BMPR2: variants seen among roughly 807,000 people sequenced by gnomAD.
BMPR2 encodes the protein bone morphogenetic protein receptor type-2.
BMPR2 carries 29 observed loss-of-function variants against 100.8 expected under a neutral mutation model. The observed-to-expected ratio is 0.29, with a 90% confidence interval of 0.21 to 0.39. The LOEUF is 0.39. Among genes scored for constraint, BMPR2 ranks in the 10% least tolerant of loss-of-function variants. BMPR2 has a pLI of 1.00. For synonymous variants in BMPR2, 382 were observed against 442.3 expected, an observed-to-expected ratio of 0.86 and a Z score of 1.71; for missense variants, 1,011 against 1,274.5, an observed-to-expected ratio of 0.79 and a Z score of 3.15.
intron 1 of BMPR2, among the ~76,000 whole-genome samples, chr2:202,452,951 A>G (rs1665319883): frequency 6.6e-6 from 1 of 152,206 alleles, no homozygotes; most frequent in South Asian, 2.1e-4. Flanking sequence ...CAGAAAGTAA[A>G]TAAATGAGGC....
rs1323311838 is a variant in BMPR2, at chr2:202,555,770, C to A, written c.2105C>A (p.Thr702Asn). ...AGTGGCCCAGACCCACTGAGCAGTA[C>A]TAGTTCTAGCTTGCTTTACCCACTC... is the stretch of plus-strand genomic sequence containing the variant. The part of the protein sequence containing the change: ...QFSGPDPLSS[T>N]SSSLLYPLIK... Residue 702 changes from threonine (T) to asparagine (N), a missense_variant, in exon 12 of 13, where the codon ACT becomes AAT. This residue lies in a region of BMPR2 where 508 missense variants were observed against 552.0 expected (regional missense o/e 0.92). Coordinates refer to ENST00000374580, the MANE Select transcript of BMPR2 (RefSeq NM_001204.7). The A allele has an allele frequency of 6.2e-7, 1 of 1,614,026 alleles. No individual in the cohort carries two copies. Among genetic ancestry groups the A allele is most frequent in the Non-Finnish European group, 8.5e-7 (1 of 1,180,056 alleles).
At chr2:202,557,464 A>AACACACACACACACAC (rs138065331) in intron 12 of BMPR2, among the ~76,000 whole-genome samples, 5 of 125,340 alleles carry the variant, frequency 4.0e-5, no homozygotes, top group African/African-American at 1.6e-4. Flanking sequence ...CTCTGTCTCA[A>AACACACACACACACAC]ACACACACAC....
intron 1 of BMPR2, among the ~76,000 whole-genome samples, chr2:202,382,786 C>A (rs79919139): frequency 0.098 from 14,980 of 152,152 alleles, 984 homozygotes; most frequent in South Asian, 0.25. Context: ...TGATTCCGGG[C>A]AAATAGGTTA....
chr2:202,538,814 A>G (rs1344498848), intron 9 of BMPR2, among the ~76,000 whole-genome samples: 1 of 151,584 alleles, frequency 6.6e-6, no homozygotes, highest in Non-Finnish European at 1.5e-5. Context: ...AAAAAAAAAA[A>G]AGTGAGGGTC....
At chr2:202,545,190 T>A (rs2106033996) in intron 10 of BMPR2, among the ~76,000 whole-genome samples, 1 of 5,992 alleles carries the variant, frequency 1.7e-4, no homozygotes, top group South Asian at 5.7e-3. Context: ...TCTCCCTCTA[T>A]GTTTTTCTTC....
intron 1 of BMPR2, among the ~76,000 whole-genome samples, chr2:202,382,938 A>G (rs1028900660): frequency 5.3e-5 from 8 of 152,242 alleles, no homozygotes; most frequent in African/African-American, 1.4e-4. Context: ...TGCCCTCATC[A>G]GCCAGTAAAT....
chr2:202,509,939 T>C (rs78486930), intron 3 of BMPR2, among the ~76,000 whole-genome samples: 1 of 152,226 alleles, frequency 6.6e-6, no homozygotes, highest in African/African-American at 2.4e-5. Flanking sequence ...CATATTAATA[T>C]TACATTTAAT....
chr2:202,412,267 A>G (rs1358030089), intron 1 of BMPR2, among the ~76,000 whole-genome samples: 1 of 152,212 alleles, frequency 6.6e-6, no homozygotes, highest in East Asian at 1.9e-4. Flanking sequence ...AAAACAAACA[A>G]AGAAACAAAA....
At chr2:202,473,227 G>A (rs1466053769) in intron 3 of BMPR2, among the ~76,000 whole-genome samples, 1 of 151,872 alleles carries the variant, frequency 6.6e-6, no homozygotes, top group Non-Finnish European at 1.5e-5. Flanking sequence ...GATCCCAGGA[G>A]TTTGAGACCA....
intron 3 of BMPR2, among the ~76,000 whole-genome samples, chr2:202,492,090 C>T (rs1692913091): frequency 6.6e-6 from 1 of 151,638 alleles, no homozygotes; most frequent in East Asian, 1.9e-4. Context: ...CAGAAATAGG[C>T]AAAAAAACTC....
At position 202,559,686 on chromosome 2, in the gene BMPR2, T is replaced by A; in HGVS notation, c.2867-10T>A. ...TTAAATAGCTCATTTTTCTGCACTTTTATTTTCAGTAGGTGAGTCAACACA... is the reference window on the plus strand; with the variant it reads ...TTAAATAGCTCATTTTTCTGCACTTATATTTTCAGTAGGTGAGTCAACACA... On this transcript the variant is annotated splice_polypyrimidine_tract_variant and intron_variant, in intron 12 of 12. Coordinates refer to ENST00000374580, the MANE Select transcript of BMPR2 (RefSeq NM_001204.7). The A allele has an allele frequency of 6.2e-7, 1 of 1,613,920 alleles. No homozygotes were observed. Among genetic ancestry groups the A allele is most frequent in the Non-Finnish European group, 8.5e-7 (1 of 1,179,860 alleles).
At chr2:202,502,576 A>G (rs2105992254) in intron 3 of BMPR2, among the ~76,000 whole-genome samples, 1 of 152,320 alleles carries the variant, frequency 6.6e-6, no homozygotes, top group Middle Eastern at 3.4e-3. Flanking sequence ...ACTTATGTGG[A>G]TCTTCAACCC....
At chr2:202,529,221 G>A (rs956960447) in intron 7 of BMPR2, among the ~76,000 whole-genome samples, 1 of 152,192 alleles carries the variant, frequency 6.6e-6, no homozygotes, top group African/African-American at 2.4e-5. Context: ...AATATCCATA[G>A]ATTGACTATT....
chr2:202,438,182 G>A (rs988846717), intron 1 of BMPR2, among the ~76,000 whole-genome samples: 10 of 150,118 alleles, frequency 6.7e-5, no homozygotes, highest in South Asian at 2.1e-4. Context: ...GCATGGTGGC[G>A]CATGCCTGTA....
intron 3 of BMPR2, among the ~76,000 whole-genome samples, chr2:202,506,682 C>A (rs916296545): frequency 6.6e-6 from 1 of 151,890 alleles, no homozygotes; most frequent in South Asian, 2.1e-4. Flanking sequence ...GGGTGGATTA[C>A]GAGGTCAGGA....
At chr2:202,468,266 C>T (rs1266772626) in intron 3 of BMPR2, among the ~76,000 whole-genome samples, 3 of 151,828 alleles carry the variant, frequency 2.0e-5, no homozygotes, top group African/African-American at 4.8e-5. Context: ...CACTTGAGCC[C>T]AGGAACTGAA....
At chr2:202,476,318 T>C (rs958335829) in intron 3 of BMPR2, among the ~76,000 whole-genome samples, 2 of 152,100 alleles carry the variant, frequency 1.3e-5, no homozygotes, top group Non-Finnish European at 2.9e-5. Flanking sequence ...TGCTCTCTGA[T>C]TACTGAGCAT....
chr2:202,400,385 A>G, intron 1 of BMPR2, among the ~76,000 whole-genome samples: 1 of 151,506 alleles, frequency 6.6e-6, no homozygotes, highest in Non-Finnish European at 1.5e-5. Flanking sequence ...CCTGGCTTCA[A>G]GAGGATCTTC....
intron 3 of BMPR2, chr2:202,505,172 T>C (rs1418271186): frequency 6.5e-6 from 1 of 153,110 alleles, no homozygotes; most frequent in African/African-American, 2.4e-5. Context: ...GATGTGCCAA[T>C]CTATTTTGAA....
Sources: allele counts gnomAD v4.1 joint callset (sites outside exome capture counted in the v4.1 genomes callset), GRCh38; gene constraint gnomAD v4.1.1; regional missense constraint gnomAD v4.1.1; transcripts MANE v1.5; gene names NCBI Gene and HGNC (gene_info 2026-07-23, HGNC 2026-07-21).